The following GID4 variants were observed in gnomAD, a reference collection of about 807,000 sequenced individuals.
GID4 encodes the protein GID complex subunit 4 homolog.
Under a neutral mutation model 32.4 loss-of-function variants are expected in GID4, and 7 were observed. The observed-to-expected ratio is 0.22, with a 90% CI of 0.12 to 0.41. The LOEUF (loss-of-function observed/expected upper bound fraction) is 0.41. Among genes scored for constraint, GID4 ranks in the 10% least tolerant of loss-of-function variants. The pLI is 1.00. For synonymous variants in GID4, 166 were observed against 170.0 expected (o/e 0.98, Z 0.18); for missense variants, 309 against 400.0 (o/e 0.77, Z 1.94).
intron 2 of GID4, among the ~76,000 whole-genome samples, chr17:18,053,442 G>A (rs1328675268): frequency 4.6e-5 from 7 of 151,872 alleles, no homozygotes; most frequent in South Asian, 2.1e-4. Context: ...GCGAAACCCC[G>A]TCTCTACTAA....
chr17:18,041,130 C>G lies in GID4; in HGVS notation c.438+1228C>G, dbSNP rs374978473. On this transcript the variant is annotated intron_variant, in intron 1 of 5. Transcript: ENST00000268719. ...TTCCTTAGTCTGACACCTCATCTGC[C>G]AGGCTGTTCCCAGAAGCCCCTCCAA... Among the ~76,000 whole-genome samples, 39 of 152,224 alleles carry G rather than the reference C, an allele frequency of 2.6e-4. No individual in the cohort carries two copies. The East Asian group carries it at 4.6e-3, about 18-fold the overall frequency.
rs10648639 is a variant in GID4 at position 18,066,451 on chromosome 17, A to AGTGTGTGTGTGTGTGTGT, written c.*1225_*1242dup. The AGTGTGTGTGTGTGTGTGT allele has an allele frequency of 2.7e-5, 4 of 146,610 alleles. No individual in the cohort carries two copies. The South Asian group carries it at 8.9e-4, about 33-fold the overall frequency. The allele number at this position is 146,610 out of a possible 1,614,324, so 9.1% of individuals were successfully genotyped here. ...AAATAACTCGAGGCTCACGTGCCAAAGTGTGTGTGTGTGTGTGTGTGTGTG... is the reference window on the plus strand; with the variant it reads ...AAATAACTCGAGGCTCACGTGCCAAAGTGTGTGTGTGTGTGTGTGTGTGTGTGTGTGTGTGTGTGTGTG... On this transcript the variant is annotated 3_prime_UTR_variant, in exon 6 of 6. Coordinates refer to ENST00000268719, the MANE Select transcript of GID4 (RefSeq NM_024052.5).
At position 18,060,494 on chromosome 17, in the gene GID4, A is replaced by C. The variant is rs548587689; in HGVS notation, c.709-1351A>C. Among the ~76,000 whole-genome samples, 4 of 152,076 alleles carry C rather than the reference A, an allele frequency of 2.6e-5. No homozygotes were observed. In the South Asian group the frequency reaches 8.3e-4, roughly 31 times the overall value. The stretch of plus-strand genomic sequence containing the variant: ...GTAAACAGGGAACAGTATGCTCACG[A>C]GCTTGCCATCTAGCGGGAAACATGT... On this transcript the variant is annotated intron_variant, in intron 4 of 5. Transcript: ENST00000268719.
At chr17:18,045,266 T>G (rs530506393) in intron 2 of GID4, 60 bp downstream of exon 2, 1 of 1,393,796 alleles carries the variant, frequency 7.2e-7, no homozygotes, top group South Asian at 1.2e-5. Context: ...CACAGGCTCA[T>G]TGGGGTTCAG....
intron 4 of GID4, among the ~76,000 whole-genome samples, chr17:18,060,400 CAAAAAAAAA>C (rs919974638): frequency 6.6e-5 from 3 of 45,680 alleles, no homozygotes; most frequent in East Asian, 6.5e-4. Flanking sequence ...TCTGTCTCAC[CAAAAAAAAA>C]AAAAAAAAAA....
rs1448155840 is a variant in GID4 at position 18,065,160 on chromosome 17, C to T, written c.840-20C>T. 2 of 1,605,446 alleles carry T rather than the reference C, an allele frequency of 1.2e-6. No homozygotes were observed. Among genetic ancestry groups the T allele is most frequent in the African/African-American group, 2.7e-5 (2 of 74,846 alleles). ...TGCATTAGATGACTACCTCCCGTTT[C>T]TGTCTCCTCCCCCTTGCAGGTATCA... On this transcript the variant is annotated intron_variant, in intron 5 of 5. Transcript: ENST00000268719.
intron 3 of GID4, among the ~76,000 whole-genome samples, chr17:18,056,209 A>G (rs1369086125): frequency 6.6e-6 from 1 of 152,252 alleles, no homozygotes; most frequent in African/African-American, 2.4e-5. Context: ...ACTGAGGTTC[A>G]GTTAAATTTA....
At chr17:18,060,053 T>C (rs1597698600) in intron 4 of GID4, among the ~76,000 whole-genome samples, 1 of 124,068 alleles carries the variant, frequency 8.1e-6, no homozygotes, top group Non-Finnish European at 1.6e-5. Flanking sequence ...GCCACTGCAC[T>C]CCAGCCTGGC....
intron 4 of GID4, among the ~76,000 whole-genome samples, chr17:18,059,309 A>G (rs1372567169): frequency 6.6e-6 from 1 of 152,066 alleles, no homozygotes; most frequent in East Asian, 1.9e-4. Flanking sequence ...AATCACTCCA[A>G]GTGTTCTGTG....
At chr17:18,051,898 C>G (rs2044913519) in intron 2 of GID4, among the ~76,000 whole-genome samples, 1 of 151,854 alleles carries the variant, frequency 6.6e-6, no homozygotes, top group Non-Finnish European at 1.5e-5. Context: ...CACCATGAAA[C>G]CCTGTCTCTA....
chr17:18,042,902 C>T (rs1567583982), intron 1 of GID4, among the ~76,000 whole-genome samples: 2 of 152,164 alleles, frequency 1.3e-5, no homozygotes, highest in African/African-American at 2.4e-5. Context: ...TGTTGTGCAT[C>T]TTTTCTTGTG....
At position 18,066,946 on chromosome 17, in the gene GID4, C is replaced by G. The variant is rs1439821552; in HGVS notation, c.*1703C>G. ...TTCAGGAAGGTCAGGGCTTTGGAACCCTAAAAAGTTGGCCCGATGACTTAA... is the reference window on the plus strand; with the variant it reads ...TTCAGGAAGGTCAGGGCTTTGGAACGCTAAAAAGTTGGCCCGATGACTTAA... On this transcript the variant is annotated 3_prime_UTR_variant, in exon 6 of 6. Coordinates refer to ENST00000268719, the MANE Select transcript of GID4 (RefSeq NM_024052.5). 2 of 152,074 alleles carry G rather than the reference C, an allele frequency of 1.3e-5. No homozygotes were observed. The highest frequency in any genetic ancestry group is 2.4e-5 in the African/African-American group (1 of 41,388). 9.4% of individuals were successfully genotyped at this position (152,074 alleles called of 1,614,324 possible).
intron 2 of GID4, among the ~76,000 whole-genome samples, chr17:18,045,904 AAAG>A (rs1352015492): frequency 4.8e-4 from 72 of 149,156 alleles, no homozygotes; most frequent in African/African-American, 1.8e-3. Flanking sequence ...AAAAAAAAAA[AAAG>A]AAAGAAAAAA....
At chr17:18,044,716 A>G (rs886496252) in intron 1 of GID4, among the ~76,000 whole-genome samples, 72 of 152,334 alleles carry the variant, frequency 4.7e-4, no homozygotes, top group African/African-American at 1.7e-3. Context: ...ATTGAGCAAT[A>G]CAGAAATAGA....
chr17:18,039,764 C>A lies in GID4; in HGVS notation c.300C>A (p.Ser100=). Residue 100 remains serine (S), a synonymous_variant, in exon 1 of 6, where the codon TCC becomes TCA. Transcript: ENST00000268719. This position sits in a 1 kb window ranked among gnomAD's most constrained non-coding sequence, Gnocchi z 5.3. ...CPPPAGASAA[S]AASLIPPPPI... ...CGCCGGCCGGTGCCTCCGCTGCCTC[C>A]GCGGCCTCACTCATCCCGCCGCCGC... 6.4e-7 allele frequency: 1 copy of A among 1,568,558 alleles called. No individual in the cohort carries two copies. Among genetic ancestry groups the A allele is most frequent in the Non-Finnish European group, 8.6e-7 (1 of 1,159,870 alleles).
intron 3 of GID4, 22 bp from the exon 4 acceptor site, chr17:18,058,846 A>G (rs2044993517): frequency 6.9e-7 from 1 of 1,449,668 alleles, no homozygotes; most frequent in Middle Eastern, 1.7e-4. Flanking sequence ...GTCAATCGGC[A>G]CACTCTCTTT....
intron 3 of GID4, chr17:18,056,648 C>G: frequency 6.6e-7 from 1 of 1,520,562 alleles, no homozygotes; most frequent in Non-Finnish European, 8.9e-7. Flanking sequence ...GCTAGGTTGA[C>G]TACAAATTAA....
chr17:18,065,636 A>C lies in GID4; in HGVS notation c.*393A>C, dbSNP rs1597701200. The C allele has an allele frequency of 4.4e-6, 1 of 229,346 alleles. No homozygotes were observed. The highest frequency in any genetic ancestry group is 8.7e-6 in the Non-Finnish European group (1 of 114,764). The allele number at this position is 229,346 out of a possible 1,614,324, so 14.2% of individuals were successfully genotyped here. A position where few individuals can be genotyped will look rare whatever the true frequency, so the allele number is the denominator to read the frequency against. On this transcript the variant is annotated 3_prime_UTR_variant, in exon 6 of 6. Transcript: ENST00000268719. ...GTGCTCAGTGGTCCCGAGGCCCTAG[A>C]CCCCCACCCCCCGCCAGTTGCTTTG...
At chr17:18,056,579 A>G in intron 3 of GID4, 2 of 875,564 alleles carry the variant, frequency 2.3e-6, no homozygotes, top group Non-Finnish European at 3.4e-6. Context: ...TCTATTTTCC[A>G]TTTCATATTG....
Sources: gnomAD v4.1 joint callset for allele counts (sites outside exome capture counted in the v4.1 genomes callset) on GRCh38, gnomAD v4.1.1 for gene constraint, Gnocchi (gnomAD v3.1) non-coding constraint, MANE v1.5 for transcripts, NCBI Gene and HGNC (gene_info 2026-07-23, HGNC 2026-07-21) for gene names.